The following DPYD variants were observed in gnomAD, a reference collection of about 807,000 sequenced individuals.
The protein encoded by DPYD is dihydropyrimidine dehydrogenase, also known as dihydropyrimidine dehydrogenase [NADP(+)].
DPYD carries 109 observed loss-of-function variants against 116.2 expected under a neutral mutation model. The observed-to-expected ratio is 0.94, with a 90% CI of 0.80 to 1.10. The LOEUF is 1.10. Ranked by LOEUF, DPYD falls within the 50% of genes least tolerant of loss-of-function variation. The probability of loss-of-function intolerance (pLI) is 0.00; values close to 1 mark genes in which losing one functional copy is unlikely to be tolerated. For synonymous variants in DPYD, 440 were observed against 432.0 expected (o/e 1.02, Z -0.23); for missense variants, 1,302 against 1,254.5 (o/e 1.04, Z -0.57).
chr1:97,607,638 A>G (rs1383382154), intron 8 of DPYD, among the ~76,000 whole-genome samples: 1 of 151,910 alleles, frequency 6.6e-6, no homozygotes, highest in South Asian at 2.1e-4. Context: ...AAGGAAGGAA[A>G]GAGAAAAGGA....
intron 12 of DPYD, among the ~76,000 whole-genome samples, chr1:97,524,912 C>T (rs116021858): frequency 5.3e-5 from 8 of 152,154 alleles, no homozygotes; most frequent in East Asian, 1.9e-4. Context: ...AAACCCCTGA[C>T]GCAAATTTTC....
At chr1:97,518,155 A>G (rs1648367222) in intron 12 of DPYD, among the ~76,000 whole-genome samples, 1 of 151,712 alleles carries the variant, frequency 6.6e-6, no homozygotes, top group South Asian at 2.1e-4. Context: ...CAAAACAAAA[A>G]CCAAACACAA....
intron 16 of DPYD, among the ~76,000 whole-genome samples, chr1:97,351,264 C>G (rs1183707878): frequency 6.6e-6 from 1 of 152,012 alleles, no homozygotes; most frequent in Non-Finnish European, 1.5e-5. Flanking sequence ...TGGAAGCTGA[C>G]AGGGCAACTG....
At chr1:97,603,582 C>T (rs1220935101) in intron 8 of DPYD, among the ~76,000 whole-genome samples, 4 of 152,022 alleles carry the variant, frequency 2.6e-5, no homozygotes, top group Admixed American at 6.6e-5. Context: ...GGAAGAAGAC[C>T]CCTTTAAAAA....
At chr1:97,780,912 C>T (rs893289133) in intron 3 of DPYD, among the ~76,000 whole-genome samples, 2 of 152,038 alleles carry the variant, frequency 1.3e-5, no homozygotes, top group Non-Finnish European at 2.9e-5. Context: ...GAGAATACAG[C>T]AAGGTAAAGA....
At chr1:97,629,805 T>G (rs1657147511) in intron 8 of DPYD, among the ~76,000 whole-genome samples, 2 of 152,206 alleles carry the variant, frequency 1.3e-5, no homozygotes, top group South Asian at 4.1e-4. Flanking sequence ...CTATGATCTA[T>G]GCAATCATTT....
chr1:97,128,450 T>C (rs140442657), intron 20 of DPYD, among the ~76,000 whole-genome samples: 13 of 152,326 alleles, frequency 8.5e-5, no homozygotes, highest in African/African-American at 3.1e-4. Flanking sequence ...CCGTGCCTAA[T>C]ATTTTAATTC....
Position 97,883,340 on chromosome 1 carries a change from T to C in DPYD, c.74A>G (p.His25Arg), listed in dbSNP as rs776662759. The change falls in exon 2 of 23, where the codon CAT becomes CGT. Residue 25 changes from histidine (H) to arginine (R), a missense_variant. Transcript: ENST00000370192. ...ILALNPRTQT[H>R]ATLCSTSAKK... ...GGCCGAAGTGGAACACAGAGTTGCA[T>C]GAGTTTGTGTTCGAGGATTTAAAGC... 1.9e-6 allele frequency: 3 copies of C among 1,612,380 alleles called. No individual in the cohort carries two copies. The East Asian group carries it at 6.7e-5, about 36-fold the overall frequency.
At chr1:97,408,884 C>T (rs1673819419) in intron 14 of DPYD, among the ~76,000 whole-genome samples, 1 of 152,100 alleles carries the variant, frequency 6.6e-6, no homozygotes, top group South Asian at 2.1e-4. Context: ...CCAAATTCTT[C>T]AGCTTTTGGA....
intron 19 of DPYD, among the ~76,000 whole-genome samples, chr1:97,231,154 A>T (rs994391258): frequency 1.3e-5 from 2 of 152,210 alleles, no homozygotes; most frequent in Admixed American, 6.5e-5. Context: ...TCTTCATAGA[A>T]ACTTGACTCT....
chr1:97,500,319 G>A (rs972740106), intron 13 of DPYD, among the ~76,000 whole-genome samples: 1 of 151,792 alleles, frequency 6.6e-6, no homozygotes, highest in African/African-American at 2.4e-5. Context: ...TGCATAAACA[G>A]TAAAATGAAA....
intron 3 of DPYD, among the ~76,000 whole-genome samples, chr1:97,764,554 T>C (rs974223478): frequency 2.0e-5 from 3 of 152,086 alleles, no homozygotes; most frequent in African/African-American, 4.8e-5. Flanking sequence ...CTTTATCACT[T>C]TACACAAAGT....
At chr1:97,518,351 T>G (rs1478056576) in intron 12 of DPYD, among the ~76,000 whole-genome samples, 5 of 152,126 alleles carry the variant, frequency 3.3e-5, no homozygotes, top group African/African-American at 1.2e-4. Flanking sequence ...AACACAGGGC[T>G]ATTTTTAGCT....
chr1:97,911,420 G>C (rs1673929771), intron 1 of DPYD, among the ~76,000 whole-genome samples: 1 of 152,052 alleles, frequency 6.6e-6, no homozygotes, highest in South Asian at 2.1e-4. Flanking sequence ...AGTCTGGGTT[G>C]CAAGTAAACT....
rs1661469811 is a variant in DPYD at position 97,699,413 on chromosome 1, C to T, written c.618G>A (p.Leu206=). The T allele has an allele frequency of 6.2e-7, 1 of 1,613,478 alleles. No homozygotes were observed. Among genetic ancestry groups the T allele is most frequent in the Non-Finnish European group, 8.5e-7 (1 of 1,179,658 alleles). Residue 206 remains leucine, a synonymous_variant, in exon 6 of 23, where the codon TTG becomes TTA. Coordinates refer to ENST00000370192, the MANE Select transcript of DPYD (RefSeq NM_000110.4). The part of the protein sequence containing the change: ...GPASISCASF[L]ARLGYSDITI... ...TGATGTCAGAGTACCCCAATCGAGC[C>T]AAAAAGGAAGCACAACTTATACTTG... is the stretch of plus-strand genomic sequence containing the variant.
chr1:97,192,510 C>T (rs1658445494), intron 20 of DPYD, among the ~76,000 whole-genome samples: 2 of 152,116 alleles, frequency 1.3e-5, no homozygotes, highest in Admixed American at 1.3e-4. Context: ...GTTGTTTTAG[C>T]AGTGTTGCTA....
At chr1:97,448,175 C>T (rs1676193830) in intron 14 of DPYD, among the ~76,000 whole-genome samples, 1 of 152,056 alleles carries the variant, frequency 6.6e-6, no homozygotes, top group Non-Finnish European at 1.5e-5. Context: ...CATGATGGCG[C>T]CAATGTACTC....
intron 2 of DPYD, chr1:97,855,786 C>A (rs1326849019): frequency 6.6e-6 from 1 of 152,186 alleles, no homozygotes; most frequent in Non-Finnish European, 1.5e-5. Context: ...CAGGGAAACA[C>A]AGAGCTGCTT....
intron 8 of DPYD, among the ~76,000 whole-genome samples, chr1:97,623,902 A>G (rs1356530775): frequency 5.9e-5 from 9 of 152,068 alleles, no homozygotes; most frequent in Admixed American, 5.9e-4. Flanking sequence ...CTCATTGAAA[A>G]GTACTATTGG....
Sources: allele counts gnomAD v4.1 joint callset (sites outside exome capture counted in the v4.1 genomes callset), GRCh38; gene constraint gnomAD v4.1.1; transcripts MANE v1.5; gene names NCBI Gene and HGNC (gene_info 2026-07-23, HGNC 2026-07-21).